Variants in PXDNL observed in about 807,000 individuals in gnomAD.
PXDNL encodes the protein probable oxidoreductase PXDNL.
Under a neutral mutation model 150.8 loss-of-function variants are expected in PXDNL, and 145 were observed. The observed-to-expected ratio is 0.96, with a 90% CI of 0.84 to 1.10. The LOEUF (loss-of-function observed/expected upper bound fraction) is 1.10. Ranked by LOEUF, PXDNL falls within the 50% of genes least tolerant of loss-of-function variation. The pLI, the probability that PXDNL is intolerant of heterozygous loss-of-function variation, is 0.00. For synonymous variants in PXDNL, 757 were observed against 725.7 expected (o/e 1.04, Z -0.69); for missense variants, 2,087 against 1,873.9 (o/e 1.11, Z -2.10).
chr8:51,400,184 G>T (rs1808204248), intron 17 of PXDNL, among the ~76,000 whole-genome samples: 1 of 152,224 alleles, frequency 6.6e-6, no homozygotes, highest in Middle Eastern at 3.4e-3. Context: ...CATGGGAATG[G>T]AACCCAACTC....
chr8:51,748,794 A>G lies in PXDNL; in HGVS notation c.164+60387T>C, dbSNP rs565402493. 3.2e-3 allele frequency among the ~76,000 whole-genome samples: 492 copies of G among 152,302 alleles called. 2 individuals are homozygous for G. The highest frequency in any genetic ancestry group is 0.011 in the African/African-American group (470 of 41,564). On this transcript the variant is annotated intron_variant, in intron 1 of 22. Transcript: ENST00000356297. ...TTTCCCCCTGGTTCCTGGGGAAAAC[A>G]CTCATCAGTCCAAAACAACCTGCCT...
intron 19 of PXDNL, among the ~76,000 whole-genome samples, chr8:51,365,606 A>C (rs944704061): frequency 5.3e-5 from 8 of 152,208 alleles, no homozygotes; most frequent in African/African-American, 1.9e-4. Flanking sequence ...AAACGTTTGC[A>C]TGCAGCCATC....
intron 17 of PXDNL, among the ~76,000 whole-genome samples, chr8:51,404,950 G>A (rs1355704654): frequency 1.3e-5 from 2 of 152,188 alleles, no homozygotes; most frequent in African/African-American, 4.8e-5. Flanking sequence ...ATGGTGGGCT[G>A]CAGGTCCGAG....
At chr8:51,690,855 C>T (rs551456320) in intron 1 of PXDNL, among the ~76,000 whole-genome samples, 9,955 of 151,998 alleles carry the variant, frequency 0.065, 401 homozygotes, top group African/African-American at 0.12. Flanking sequence ...TTTTAATGAT[C>T]GCCATTCTAA....
chr8:51,525,658 A>T (rs1297836622), intron 4 of PXDNL, among the ~76,000 whole-genome samples: 1 of 152,178 alleles, frequency 6.6e-6, no homozygotes, highest in Non-Finnish European at 1.5e-5. Context: ...AAATAAAAAT[A>T]AAAAACCCTA....
At chr8:51,584,867 G>A (rs536113359) in intron 3 of PXDNL, among the ~76,000 whole-genome samples, 4 of 152,232 alleles carry the variant, frequency 2.6e-5, no homozygotes, top group South Asian at 2.1e-4. Context: ...ATGACTAGTC[G>A]CCCTTCAGAG....
intron 4 of PXDNL, among the ~76,000 whole-genome samples, chr8:51,550,947 T>C (rs1812466883): frequency 6.6e-6 from 1 of 152,158 alleles, no homozygotes; most frequent in South Asian, 2.1e-4. Flanking sequence ...TTAGATCTGA[T>C]AAATGAATTC....
intron 4 of PXDNL, among the ~76,000 whole-genome samples, chr8:51,555,463 A>T (rs989706514): frequency 1.3e-5 from 2 of 152,226 alleles, no homozygotes; most frequent in African/African-American, 4.8e-5. Flanking sequence ...AGACAAAAGT[A>T]GAGCAAAGGC....
chr8:51,798,031 C>A (rs1190803744), intron 1 of PXDNL, among the ~76,000 whole-genome samples: 1 of 152,162 alleles, frequency 6.6e-6, no homozygotes, highest in African/African-American at 2.4e-5. Context: ...CACACATCTA[C>A]AATCAGCTGA....
chr8:51,521,643 C>T (rs755799955), intron 4 of PXDNL, among the ~76,000 whole-genome samples: 39 of 151,928 alleles, frequency 2.6e-4, no homozygotes, highest in Non-Finnish European at 1.8e-4. Flanking sequence ...CAAGCTAAAA[C>T]TCTGAGGAGC....
intron 19 of PXDNL, among the ~76,000 whole-genome samples, chr8:51,368,263 A>G (rs1302730203): frequency 6.6e-6 from 1 of 152,238 alleles, no homozygotes; most frequent in Admixed American, 6.5e-5. Flanking sequence ...ATACAAACCC[A>G]TAGCCTTACA....
chr8:51,603,042 T>C (rs1813759850), intron 2 of PXDNL, among the ~76,000 whole-genome samples: 1 of 151,824 alleles, frequency 6.6e-6, no homozygotes, highest in African/African-American at 2.4e-5. Context: ...CATATTATCA[T>C]TACTATTGAT....
At chr8:51,697,559 G>A (rs956699475) in intron 1 of PXDNL, among the ~76,000 whole-genome samples, 1 of 152,082 alleles carries the variant, frequency 6.6e-6, no homozygotes, top group African/African-American at 2.4e-5. Context: ...CAAACATCTT[G>A]GAGAGTATCT....
At chr8:51,441,139 A>G (rs1317475397) in intron 12 of PXDNL, among the ~76,000 whole-genome samples, 1 of 152,016 alleles carries the variant, frequency 6.6e-6, no homozygotes, top group African/African-American at 2.4e-5. Flanking sequence ...ACGAGATCTG[A>G]TGGTTTTATA....
chr8:51,391,807 C>T (rs1378367880), intron 17 of PXDNL, among the ~76,000 whole-genome samples: 1 of 152,018 alleles, frequency 6.6e-6, no homozygotes. Flanking sequence ...ACATGAAGTC[C>T]TTGCCCATGC....
chr8:51,623,681 A>G (rs1306060261), intron 2 of PXDNL, among the ~76,000 whole-genome samples: 6 of 152,200 alleles, frequency 3.9e-5, no homozygotes, highest in African/African-American at 1.4e-4. Flanking sequence ...GAGTGTGCAG[A>G]GCGCAGCCCA....
At chr8:51,362,472 A>T (rs888667540) in intron 19 of PXDNL, among the ~76,000 whole-genome samples, 1 of 152,262 alleles carries the variant, frequency 6.6e-6, no homozygotes, top group African/African-American at 2.4e-5. Flanking sequence ...ATATCTGCCT[A>T]TGTACATTAG....
chr8:51,705,796 T>A (rs986469381), intron 1 of PXDNL, among the ~76,000 whole-genome samples: 1 of 149,628 alleles, frequency 6.7e-6, no homozygotes, highest in Non-Finnish European at 1.5e-5. Context: ...CAAACCCTCC[T>A]GGTGAAAACA....
chr8:51,654,616 G>T, intron 2 of PXDNL, 73 bp downstream of exon 2: 3 of 1,122,488 alleles, frequency 2.7e-6, no homozygotes, highest in South Asian at 2.6e-5. Context: ...CACTCAGAAT[G>T]ACTTTCACGG....
Sources: gnomAD v4.1 joint callset for allele counts (sites outside exome capture counted in the v4.1 genomes callset) on GRCh38, gnomAD v4.1.1 for gene constraint, MANE v1.5 for transcripts, NCBI Gene and HGNC (gene_info 2026-07-23, HGNC 2026-07-21) for gene names.